The following CLSTN1 variants were observed in gnomAD, a reference collection of about 807,000 sequenced individuals.
CLSTN1 encodes the protein calsyntenin-1.
Under a neutral mutation model 108.3 loss-of-function variants are expected in CLSTN1, and 28 were observed. The ratio of observed to expected loss-of-function variants is 0.26; its 90% confidence interval spans 0.19 to 0.35. The LOEUF (loss-of-function observed/expected upper bound fraction) is 0.35, where lower values mean the gene tolerates loss of function less well. Ranked by LOEUF, CLSTN1 falls within the 10% of genes least tolerant of loss-of-function variation. The probability of loss-of-function intolerance (pLI) is 1.00; values close to 1 mark genes in which losing one functional copy is unlikely to be tolerated. For synonymous variants in CLSTN1, 524 were observed against 534.9 expected (o/e 0.98, Z 0.28); for missense variants, 1,157 against 1,302.6 (o/e 0.89, Z 1.72).
At chr1:9,771,556 G>A (rs189975292) in intron 2 of CLSTN1, among the ~76,000 whole-genome samples, 2 of 152,166 alleles carry the variant, frequency 1.3e-5, no homozygotes, top group Non-Finnish European at 2.9e-5. Flanking sequence ...AGAGGTTGCA[G>A]TGAGCTGAGA....
At position 9,751,508 on chromosome 1, in the gene CLSTN1, A is replaced by G. The variant is rs1651556751; in HGVS notation, c.614T>C (p.Ile205Thr). 6.2e-7 allele frequency: 1 copy of G among 1,614,028 alleles called. No individual in the cohort carries two copies. Among genetic ancestry groups the G allele is most frequent in the Non-Finnish European group, 8.5e-7 (1 of 1,180,036 alleles). ...QFSQICSYEI[I>T]TPDVPFTVDK... ...AACAGTAAAGGGCACGTCTGGAGTG[A>G]TGATTTCGTAGCTGCAAATCTGGCT... is the stretch of plus-strand genomic sequence containing the variant. The change falls in exon 5 of 19, where the codon ATC becomes ACC. Residue 205 changes from isoleucine to threonine, a missense_variant. Transcript: ENST00000377298.
chr1:9,771,341 C>T (rs1029738253), intron 2 of CLSTN1, among the ~76,000 whole-genome samples: 2 of 152,096 alleles, frequency 1.3e-5, no homozygotes, highest in Non-Finnish European at 2.9e-5. Context: ...TTAGGACGGG[C>T]ATGGTGGCTT....
chr1:9,740,837 G>A (rs958644456), intron 10 of CLSTN1, among the ~76,000 whole-genome samples: 2 of 152,118 alleles, frequency 1.3e-5, no homozygotes, highest in African/African-American at 2.4e-5. Flanking sequence ...TCTGTGGAAC[G>A]CTCCCTCTTG....
At chr1:9,737,646 T>C in intron 10 of CLSTN1, 92 bp from the exon 11 acceptor site, 3 of 1,091,678 alleles carry the variant, frequency 2.7e-6, no homozygotes, top group Non-Finnish European at 4.2e-6. Flanking sequence ...AGCAACCAAC[T>C]ATAAAACATG....
chr1:9,761,194 T>C (rs1232758350), intron 2 of CLSTN1, among the ~76,000 whole-genome samples: 2 of 152,122 alleles, frequency 1.3e-5, no homozygotes, highest in African/African-American at 4.8e-5. Context: ...AAAGGAACTT[T>C]ACTTAAGAAA....
At chr1:9,770,114 C>T (rs1652599434) in intron 2 of CLSTN1, among the ~76,000 whole-genome samples, 1 of 151,616 alleles carries the variant, frequency 6.6e-6, no homozygotes, top group South Asian at 2.1e-4. Flanking sequence ...ATATGAGTAA[C>T]TGTGCTTCCC....
chr1:9,762,582 C>T (rs1014445625), intron 2 of CLSTN1, among the ~76,000 whole-genome samples: 1 of 150,488 alleles, frequency 6.6e-6, no homozygotes, highest in Admixed American at 6.6e-5. Context: ...GGTGCCCGCA[C>T]TCAACGGCTC....
At chr1:9,789,816 A>C (rs1653678453) in intron 1 of CLSTN1, among the ~76,000 whole-genome samples, 1 of 151,192 alleles carries the variant, frequency 6.6e-6, no homozygotes, top group African/African-American at 2.4e-5. Flanking sequence ...CGTCTCTAGT[A>C]AAAAATACAA....
At chr1:9,731,716 G>C in intron 17 of CLSTN1, 45 bp downstream of exon 17, 1 of 1,608,854 alleles carries the variant, frequency 6.2e-7, no homozygotes, top group Non-Finnish European at 8.5e-7. Flanking sequence ...GGGCAGGGCG[G>C]ACGGCATGGA....
chr1:9,761,954 G>C (rs1652094425), intron 2 of CLSTN1, among the ~76,000 whole-genome samples: 1 of 152,222 alleles, frequency 6.6e-6, no homozygotes, highest in Non-Finnish European at 1.5e-5. Flanking sequence ...AGCCAAGGCG[G>C]CTGGAGACCA....
chr1:9,739,886 G>A (rs977006798), intron 10 of CLSTN1, among the ~76,000 whole-genome samples: 8 of 147,798 alleles, frequency 5.4e-5, no homozygotes, highest in African/African-American at 7.5e-5. Flanking sequence ...GTGCTATCTC[G>A]GCTCACTGCA....
chr1:9,790,511 ATTGT>A (rs1653714436), intron 1 of CLSTN1, among the ~76,000 whole-genome samples: 1 of 151,308 alleles, frequency 6.6e-6, no homozygotes, highest in Non-Finnish European at 1.5e-5. Flanking sequence ...CTTCTTGCAC[ATTGT>A]TTGATTTGAT....
chr1:9,808,739 C>T (rs1181187738), intron 1 of CLSTN1, among the ~76,000 whole-genome samples: 1 of 152,054 alleles, frequency 6.6e-6, no homozygotes, highest in African/African-American at 2.4e-5. Context: ...AGAACTAGCA[C>T]GGACTCACAT....
chr1:9,787,733 G>A (rs1041886732), intron 1 of CLSTN1, among the ~76,000 whole-genome samples: 1 of 151,168 alleles, frequency 6.6e-6, no homozygotes, highest in Non-Finnish European at 1.5e-5. Context: ...TTTAATGTGG[G>A]AAAATACACA....
Position 9,766,027 on chromosome 1 carries a change from TA to T in CLSTN1, c.214+7244del, listed in dbSNP as rs1652313179. On this transcript the variant is annotated intron_variant, in intron 2 of 18. Coordinates refer to ENST00000377298, the MANE Select transcript of CLSTN1 (RefSeq NM_001009566.3). ...CCTCAGGGCATGTGAATCACATTCA[TA>T]ACAAAGAATACAGACAAGAGTATCA... Among the ~76,000 whole-genome samples, 4 of 152,268 alleles carry T rather than the reference TA, an allele frequency of 2.6e-5. No individual in the cohort carries two copies. In the South Asian group the frequency reaches 8.3e-4, roughly 32 times the overall value.
At chr1:9,771,689 G>A (rs777960265) in intron 2 of CLSTN1, among the ~76,000 whole-genome samples, 9 of 152,068 alleles carry the variant, frequency 5.9e-5, no homozygotes, top group African/African-American at 2.4e-5. Flanking sequence ...GTGTGTTCAC[G>A]GCATGGGGTA....
intron 1 of CLSTN1, among the ~76,000 whole-genome samples, chr1:9,801,934 T>C (rs1464006221): frequency 6.6e-6 from 1 of 152,114 alleles, no homozygotes; most frequent in Non-Finnish European, 1.5e-5. Context: ...TGAACACAGA[T>C]GCAAAAACCC....
At chr1:9,790,415 G>T (rs1213188244) in intron 1 of CLSTN1, among the ~76,000 whole-genome samples, 1 of 150,812 alleles carries the variant, frequency 6.6e-6, no homozygotes, top group Non-Finnish European at 1.5e-5. Flanking sequence ...CTTTTTTAGC[G>T]TATTGATTGG....
chr1:9,732,803 A>G (rs186498895), intron 16 of CLSTN1, among the ~76,000 whole-genome samples: 31 of 152,266 alleles, frequency 2.0e-4, no homozygotes, highest in Admixed American at 3.3e-4. Flanking sequence ...GCCCCTCTCA[A>G]CCTGGGCCGA....
Sources: allele counts gnomAD v4.1 joint callset (sites outside exome capture counted in the v4.1 genomes callset), GRCh38; gene constraint gnomAD v4.1.1; transcripts MANE v1.5; gene names NCBI Gene and HGNC (gene_info 2026-07-23, HGNC 2026-07-21).